Variants in ZCCHC24 observed in about 807,000 individuals in gnomAD.
ZCCHC24 encodes zinc finger CCHC domain-containing protein 24.
ZCCHC24 carries 10 observed loss-of-function variants against 26.2 expected under a neutral mutation model. The ratio of observed to expected loss-of-function variants is 0.38; its 90% CI spans 0.24 to 0.65. The LOEUF is 0.65. Among genes scored for constraint, ZCCHC24 ranks in the 30% least tolerant of loss-of-function variants. The probability of loss-of-function intolerance (pLI) is 0.54; values close to 1 mark genes in which losing one functional copy is unlikely to be tolerated. For synonymous variants in ZCCHC24, 144 were observed against 147.1 expected (o/e 0.98, Z 0.15); for missense variants, 243 against 329.1 (o/e 0.74, Z 2.03).
At chr10:79,438,865 G>A (rs1589680998) in intron 1 of ZCCHC24, among the ~76,000 whole-genome samples, 1 of 152,326 alleles carries the variant, frequency 6.6e-6, no homozygotes, top group East Asian at 1.9e-4. Context: ...CCTGACAGGT[G>A]CTCACGTTTC....
chr10:79,432,540 G>T lies in ZCCHC24; in HGVS notation c.447+18C>A. 1 of 1,588,900 alleles carries T rather than the reference G, an allele frequency of 6.3e-7. No homozygotes were observed. Among genetic ancestry groups the T allele is most frequent in the Non-Finnish European group, 8.6e-7 (1 of 1,168,094 alleles). On this transcript the variant is annotated intron_variant, in intron 2 of 3. Transcript: ENST00000372336. ...GTAGGGGAGCCCAAGAGCACCCCCTGGGCCAGGGCTGCCTTACCTGGGGGC... is the reference window on the plus strand; with the variant it reads ...GTAGGGGAGCCCAAGAGCACCCCCTTGGCCAGGGCTGCCTTACCTGGGGGC...
At chr10:79,425,362 C>T (rs907865788) in intron 2 of ZCCHC24, among the ~76,000 whole-genome samples, 1 of 152,238 alleles carries the variant, frequency 6.6e-6, no homozygotes, top group Admixed American at 6.5e-5. Flanking sequence ...GCAGCAGACA[C>T]CCTGAGGCTG....
chr10:79,437,455 T>C (rs889135236), intron 1 of ZCCHC24, among the ~76,000 whole-genome samples: 2 of 152,252 alleles, frequency 1.3e-5, no homozygotes, highest in Admixed American at 6.5e-5. Flanking sequence ...ATGGGCATTA[T>C]TGGCCCCATT....
chr10:79,403,538 G>A (rs970156531), intron 2 of ZCCHC24: 2 of 985,336 alleles, frequency 2.0e-6, no homozygotes, highest in African/African-American at 1.7e-5. Flanking sequence ...AGAGGGACAG[G>A]TGGGCTGGGC....
chr10:79,395,637 T>C (rs1856536183), intron 2 of ZCCHC24, among the ~76,000 whole-genome samples: 1 of 152,244 alleles, frequency 6.6e-6, no homozygotes, highest in Non-Finnish European at 1.5e-5. Context: ...TTGACTTGTA[T>C]GTCTTTTATT....
At chr10:79,405,192 C>A (rs1365842060) in intron 2 of ZCCHC24, among the ~76,000 whole-genome samples, 5 of 152,226 alleles carry the variant, frequency 3.3e-5, no homozygotes, top group African/African-American at 1.2e-4. Flanking sequence ...CATGTCCTGC[C>A]CTGACCCAAC....
chr10:79,420,468 G>A (rs532644254), intron 2 of ZCCHC24, among the ~76,000 whole-genome samples: 9 of 152,290 alleles, frequency 5.9e-5, no homozygotes, highest in Admixed American at 2.0e-4. Context: ...TTGAAACAGC[G>A]GAATTGAGGC....
Position 79,384,751 on chromosome 10 carries a change from C to T in ZCCHC24, c.*1594G>A, listed in dbSNP as rs183695397. On this transcript the variant is annotated 3_prime_UTR_variant, in exon 4 of 4. Coordinates refer to ENST00000372336, the MANE Select transcript of ZCCHC24 (RefSeq NM_153367.4). Reference sequence around the variant, plus strand: ...ATTTTCATTTGAATACAAAAGGCAACTGGACACCAGATGGGCATCCTTGAG... The same window carrying T: ...ATTTTCATTTGAATACAAAAGGCAATTGGACACCAGATGGGCATCCTTGAG... 12 of 152,786 alleles carry T rather than the reference C, an allele frequency of 7.9e-5. No homozygotes were observed. The East Asian group carries it at 2.3e-3, about 29-fold the overall frequency. The allele number at this position is 152,786 out of a possible 1,614,324, so 9.5% of individuals were successfully genotyped here. A position where few individuals can be genotyped will look rare whatever the true frequency, so the allele number is the denominator to read the frequency against.
intron 3 of ZCCHC24, among the ~76,000 whole-genome samples, chr10:79,390,564 T>A (rs1417613472): frequency 6.6e-6 from 1 of 152,174 alleles, no homozygotes; most frequent in African/African-American, 2.4e-5. Context: ...TGGTGGGAGT[T>A]CCCTCTGTGG....
intron 2 of ZCCHC24, among the ~76,000 whole-genome samples, chr10:79,428,475 TCAGTTTTGCAAGATAAA>T (rs1231009425): frequency 3.6e-4 from 24 of 66,940 alleles, no homozygotes; most frequent in Middle Eastern, 7.1e-3. Flanking sequence ...AAGATAAATT[TCAGTTTTGCAAGATAAA>T]AAGAGCTCTG....
chr10:79,409,554 G>A (rs1347584863), intron 2 of ZCCHC24, among the ~76,000 whole-genome samples: 1 of 152,248 alleles, frequency 6.6e-6, no homozygotes, highest in Non-Finnish European at 1.5e-5. Flanking sequence ...CTGGGGAGCA[G>A]GTGAAGGGCA....
chr10:79,390,032 T>C (rs1564631360), intron 3 of ZCCHC24, among the ~76,000 whole-genome samples: 1 of 152,130 alleles, frequency 6.6e-6, no homozygotes, highest in Non-Finnish European at 1.5e-5. Context: ...CCTGGCTAAT[T>C]GTTTAAAAAA....
intron 2 of ZCCHC24, among the ~76,000 whole-genome samples, chr10:79,429,822 G>A (rs1365980361): frequency 1.3e-5 from 2 of 152,096 alleles, no homozygotes; most frequent in Non-Finnish European, 2.9e-5. Context: ...TTTCATTTGT[G>A]ACACAGGTTT....
chr10:79,394,747 G>A (rs2132178417), intron 2 of ZCCHC24: 3 of 647,034 alleles, frequency 4.6e-6, no homozygotes, highest in Non-Finnish European at 5.8e-6. Flanking sequence ...TAACTCACAC[G>A]TCATCAAGGG....
chr10:79,437,717 G>A (rs892907510), intron 1 of ZCCHC24, among the ~76,000 whole-genome samples: 9 of 152,230 alleles, frequency 5.9e-5, no homozygotes, highest in Middle Eastern at 3.2e-3. Context: ...TGCATGAGGG[G>A]TGCAGGCCCT....
At chr10:79,430,405 G>A (rs996561014) in intron 2 of ZCCHC24, among the ~76,000 whole-genome samples, 19 of 152,008 alleles carry the variant, frequency 1.2e-4, no homozygotes, top group South Asian at 4.2e-4. Context: ...GGAGTGACAA[G>A]GAGCTTAAGG....
intron 2 of ZCCHC24, among the ~76,000 whole-genome samples, chr10:79,424,073 G>T (rs1225587469): frequency 6.6e-6 from 1 of 151,836 alleles, no homozygotes; most frequent in East Asian, 1.9e-4. Flanking sequence ...AAGTATCATG[G>T]GCCTAAGCAT....
intron 2 of ZCCHC24, among the ~76,000 whole-genome samples, chr10:79,422,050 G>C (rs1307884691): frequency 6.6e-6 from 1 of 152,108 alleles, no homozygotes; most frequent in Non-Finnish European, 1.5e-5. Context: ...ATAAGCCTGA[G>C]AGCCTTCCCT....
intron 2 of ZCCHC24, among the ~76,000 whole-genome samples, chr10:79,403,225 T>C (rs138537720): frequency 2.2e-4 from 33 of 152,376 alleles, no homozygotes; most frequent in African/African-American, 7.9e-4. Context: ...GCATGGGACC[T>C]ATGCATGCCA....
Sources: allele counts gnomAD v4.1 joint callset (sites outside exome capture counted in the v4.1 genomes callset), GRCh38; gene constraint gnomAD v4.1.1; transcripts MANE v1.5; gene names NCBI Gene and HGNC (gene_info 2026-07-23, HGNC 2026-07-21).